Variants in PCBP3 observed in about 807,000 individuals in gnomAD.
The protein encoded by PCBP3 is poly(rC) binding protein 3, also known as poly(rC)-binding protein 3.
In PCBP3, 25 loss-of-function variants were observed where a neutral mutation model predicts 52.7. That is an observed-to-expected ratio of 0.47 (90% CI 0.35 to 0.66). PCBP3 has a LOEUF of 0.66. Ranked by LOEUF, PCBP3 falls within the 30% of genes least tolerant of loss-of-function variation. The pLI, the probability that PCBP3 is intolerant of heterozygous loss-of-function variation, is 0.01. For missense variants in PCBP3, 391 were observed against 490.3 expected (o/e 0.80, Z 1.91); for synonymous variants, 162 against 183.0 (o/e 0.89, Z 0.93).
intron 5 of PCBP3, among the ~76,000 whole-genome samples, chr21:45,857,230 A>G (rs2094334816): frequency 6.6e-6 from 1 of 152,212 alleles, no homozygotes; most frequent in African/African-American, 2.4e-5. Flanking sequence ...GCAAAGAAAC[A>G]TGTTTTGGGG....
At chr21:45,646,077 C>CTCTT (rs2079242828) in intron 1 of PCBP3, among the ~76,000 whole-genome samples, 9 of 110,312 alleles carry the variant, frequency 8.2e-5, no homozygotes, top group South Asian at 6.8e-4. Context: ...CTCTCTCTCT[C>CTCTT]TCTCTTTCTC....
chr21:45,909,489 A>G lies in PCBP3; in HGVS notation c.471+3A>G. The G allele has an allele frequency of 1.2e-6, 2 of 1,612,086 alleles. No individual in the cohort carries two copies. The highest frequency in any genetic ancestry group is 1.7e-6 in the Non-Finnish European group (2 of 1,179,290). On this transcript the variant is annotated splice_donor_region_variant and intron_variant, in intron 10 of 17. Coordinates refer to ENST00000681687, the MANE Select transcript of PCBP3 (RefSeq NM_001384156.1). ...CCAAGATCAAGGAGATCAGGGAGGTAACAGGACCTTCCCAGCCTGGGCCGC... is the reference window on the plus strand; with the variant it reads ...CCAAGATCAAGGAGATCAGGGAGGTGACAGGACCTTCCCAGCCTGGGCCGC...
intron 13 of PCBP3, among the ~76,000 whole-genome samples, chr21:45,920,656 G>T (rs1396546192): frequency 6.6e-6 from 1 of 152,314 alleles, no homozygotes; most frequent in African/African-American, 2.4e-5. Flanking sequence ...CTCGTGAACA[G>T]CATTGGTGCC....
At chr21:45,748,821 G>T (rs912065748) in intron 3 of PCBP3, among the ~76,000 whole-genome samples, 3 of 152,234 alleles carry the variant, frequency 2.0e-5, no homozygotes, top group African/African-American at 4.8e-5. Flanking sequence ...GGCTGGTGGA[G>T]CAGGACTAGC....
At chr21:45,708,842 G>A (rs1254520454) in intron 2 of PCBP3, among the ~76,000 whole-genome samples, 1 of 152,216 alleles carries the variant, frequency 6.6e-6, no homozygotes, top group East Asian at 1.9e-4. Flanking sequence ...AGGAGCATTT[G>A]CACTGTTCAC....
chr21:45,734,494 G>A lies in PCBP3; in HGVS notation c.-199-898G>A, dbSNP rs370641628. On this transcript the variant is annotated intron_variant, in intron 2 of 17. Coordinates refer to ENST00000681687, the MANE Select transcript of PCBP3 (RefSeq NM_001384156.1). ...GGTCCTGAGTGCAGTGCATCCTGAT[G>A]AGACGGTGCTGCAGGCCCAGCCCAC... Among the ~76,000 whole-genome samples, 32 of 152,280 alleles carry A rather than the reference G, an allele frequency of 2.1e-4. 1 individual carries two copies. Among genetic ancestry groups the A allele is most frequent in the African/African-American group, 7.7e-4 (32 of 41,550 alleles).
chr21:45,774,388 CAAAAAAA>C (rs902926846), intron 4 of PCBP3, among the ~76,000 whole-genome samples: 1 of 108,798 alleles, frequency 9.2e-6, no homozygotes, highest in Non-Finnish European at 1.9e-5. Context: ...GACTCCATCT[CAAAAAAA>C]AAAAAAAGAA....
Position 45,741,644 on chromosome 21 carries a change from CTG to C in PCBP3, c.-162+6219_-162+6220del, listed in dbSNP as rs774576725. On this transcript the variant is annotated intron_variant, in intron 3 of 17. Transcript: ENST00000681687. The surrounding 1 kb of genome is among the most constrained non-coding windows in gnomAD (Gnocchi z 4.5). ...TTATCGAATTATTTGCTTTTAAAAA[CTG>C]TGTATATTTATAGTTTTATTAAAAA... is the stretch of plus-strand genomic sequence containing the variant. Among the ~76,000 whole-genome samples, 100 of 152,058 alleles carry C rather than the reference CTG, an allele frequency of 6.6e-4. 1 individual carries two copies. Among genetic ancestry groups the C allele is most frequent in the Non-Finnish European group, 1.2e-4 (8 of 68,008 alleles).
chr21:45,884,984 A>G (rs556715020), intron 5 of PCBP3, among the ~76,000 whole-genome samples: 3 of 152,312 alleles, frequency 2.0e-5, no homozygotes, highest in African/African-American at 7.2e-5. Context: ...AAGCCTTTCT[A>G]TGCACTCACA....
chr21:45,727,867 G>C (rs2085172388), intron 2 of PCBP3, among the ~76,000 whole-genome samples: 1 of 152,186 alleles, frequency 6.6e-6, no homozygotes, highest in South Asian at 2.1e-4. Context: ...CACAGAAAAG[G>C]AAAAACATGG....
intron 13 of PCBP3, among the ~76,000 whole-genome samples, chr21:45,923,798 C>G (rs952275572): frequency 3.3e-5 from 5 of 151,920 alleles, no homozygotes; most frequent in African/African-American, 4.8e-5. Flanking sequence ...ATAGAAACAG[C>G]ACACGTAAGA....
chr21:45,655,938 A>G (rs979076349), intron 1 of PCBP3, among the ~76,000 whole-genome samples: 7 of 152,386 alleles, frequency 4.6e-5, no homozygotes, highest in African/African-American at 1.4e-4. Context: ...GAAAACCACA[A>G]TGAGATACCG....
chr21:45,747,821 T>C (rs1224241454), intron 3 of PCBP3, among the ~76,000 whole-genome samples: 6 of 152,230 alleles, frequency 3.9e-5, no homozygotes, highest in Non-Finnish European at 8.8e-5. Context: ...ACTGGTGTCC[T>C]TCTTTCCTCC....
At chr21:45,898,586 T>A in intron 6 of PCBP3, among the ~76,000 whole-genome samples, 1 of 51,144 alleles carries the variant, frequency 2.0e-5, no homozygotes, top group Non-Finnish European at 4.5e-5. Flanking sequence ...ACAGCCTCCC[T>A]CTCCCTCCAC....
At chr21:45,856,021 CAG>C (rs1381902478) in intron 5 of PCBP3, among the ~76,000 whole-genome samples, 2 of 152,114 alleles carry the variant, frequency 1.3e-5, no homozygotes, top group Admixed American at 6.5e-5. Flanking sequence ...AAGTAGGAAA[CAG>C]AAATATTTTA....
intron 1 of PCBP3, among the ~76,000 whole-genome samples, chr21:45,660,901 A>T (rs9978882): frequency 5.6e-4 from 85 of 151,954 alleles, no homozygotes; most frequent in African/African-American, 1.8e-3. Context: ...ATTAGCCGGG[A>T]GTGGTGGTGC....
At chr21:45,672,671 AG>A (rs1286282421) in intron 2 of PCBP3, among the ~76,000 whole-genome samples, 2 of 152,120 alleles carry the variant, frequency 1.3e-5, no homozygotes, top group African/African-American at 2.4e-5. Flanking sequence ...ATAATACAAT[AG>A]TCATGGGTGT....
intron 3 of PCBP3, among the ~76,000 whole-genome samples, chr21:45,745,425 C>T (rs564796565): frequency 2.7e-4 from 41 of 152,252 alleles, no homozygotes; most frequent in African/African-American, 8.4e-4. Flanking sequence ...AGGCCCTCCC[C>T]GGCCTGGACT....
chr21:45,930,019 C>T, intron 14 of PCBP3, 24 bp downstream of exon 14: 3 of 1,534,508 alleles, frequency 2.0e-6, no homozygotes, highest in Non-Finnish European at 2.7e-6. Context: ...CCTTTTCTCA[C>T]CTCCTTCTCT....
Sources: gnomAD v4.1 joint callset for allele counts (sites outside exome capture counted in the v4.1 genomes callset) on GRCh38, gnomAD v4.1.1 for gene constraint, Gnocchi (gnomAD v3.1) non-coding constraint, MANE v1.5 for transcripts, NCBI Gene and HGNC (gene_info 2026-07-23, HGNC 2026-07-21) for gene names.